Variants in SNX24 observed in about 807,000 individuals in gnomAD.
SNX24 encodes the protein sorting nexin-24.
A neutral mutation model predicts 28.7 loss-of-function variants in SNX24; 22 were observed. That is an observed-to-expected ratio of 0.77 (90% confidence interval 0.55 to 1.10). SNX24 has a LOEUF of 1.10. SNX24 is among the 50% of genes least tolerant of loss of function. The probability of loss-of-function intolerance (pLI) is 0.00; values close to 1 mark genes in which losing one functional copy is unlikely to be tolerated. For missense variants in SNX24, 221 were observed against 201.1 expected, an observed-to-expected ratio of 1.10 and a Z score of -0.60; for synonymous variants, 69 against 71.5, an observed-to-expected ratio of 0.96 and a Z score of 0.18.
At chr5:122,857,598 C>T (rs1306808890) in intron 1 of SNX24, among the ~76,000 whole-genome samples, 2 of 151,956 alleles carry the variant, frequency 1.3e-5, no homozygotes, top group African/African-American at 2.4e-5. Flanking sequence ...GTCTGTTGTT[C>T]CCCTCTATGT....
intron 1 of SNX24, chr5:122,890,999 A>G: frequency 6.9e-7 from 1 of 1,438,958 alleles, no homozygotes. Context: ...GTGAAAACCC[A>G]AAGCCTCTTT....
chr5:122,939,892 A>G (rs13159424), intron 2 of SNX24, among the ~76,000 whole-genome samples: 4,203 of 152,250 alleles, frequency 0.028, 70 homozygotes, highest in Non-Finnish European at 0.04. Context: ...AGAACCACAC[A>G]TCTCAAGGTT....
intron 5 of SNX24, among the ~76,000 whole-genome samples, chr5:123,018,579 A>G (rs757225624): frequency 6.6e-5 from 10 of 152,164 alleles, no homozygotes; most frequent in Non-Finnish European, 1.2e-4. Context: ...AACGTACCTG[A>G]CTGCTAATAA....
intron 6 of SNX24, among the ~76,000 whole-genome samples, chr5:123,006,654 C>G (rs1762431122): frequency 6.6e-6 from 1 of 152,208 alleles, no homozygotes; most frequent in African/African-American, 2.4e-5. Context: ...ATGGGGCACC[C>G]CGTGCCCTCC....
intron 1 of SNX24, among the ~76,000 whole-genome samples, chr5:122,851,326 G>A (rs938958821): frequency 2.2e-4 from 34 of 151,950 alleles, no homozygotes; most frequent in Non-Finnish European, 4.4e-4. Flanking sequence ...CACCATGTCT[G>A]GCTAATTTTT....
At chr5:122,847,656 G>A (rs1289460394) in intron 1 of SNX24, among the ~76,000 whole-genome samples, 1 of 151,930 alleles carries the variant, frequency 6.6e-6, no homozygotes, top group Non-Finnish European at 1.5e-5. Flanking sequence ...ACCACTCCTG[G>A]ATAATTTTTA....
At chr5:122,974,429 C>G (rs886970051) in intron 3 of SNX24, among the ~76,000 whole-genome samples, 3 of 152,222 alleles carry the variant, frequency 2.0e-5, no homozygotes, top group African/African-American at 7.2e-5. Context: ...TTGTTGTACG[C>G]TGAGGTAGGA....
At chr5:123,009,281 ATG>A, downstream of SNX24, 1 of 932,308 alleles carries the variant, frequency 1.1e-6, no homozygotes, top group Non-Finnish European at 1.3e-6. Flanking sequence ...ACACACACAT[ATG>A]TGCACACACA....
intron 5 of SNX24, among the ~76,000 whole-genome samples, chr5:123,014,597 G>T (rs1762649867): frequency 6.6e-6 from 1 of 152,056 alleles, no homozygotes; most frequent in African/African-American, 2.4e-5. Context: ...CAAGCTCCAT[G>T]CTAACAGCAG....
At chr5:122,986,163 G>GT in intron 3 of SNX24, among the ~76,000 whole-genome samples, 1 of 152,266 alleles carries the variant, frequency 6.6e-6, no homozygotes, top group East Asian at 1.9e-4. Flanking sequence ...GAGAGGCAGG[G>GT]TTTTTTATTG....
At chr5:122,967,559 T>A (rs1401690126) in intron 3 of SNX24, among the ~76,000 whole-genome samples, 2 of 152,136 alleles carry the variant, frequency 1.3e-5, no homozygotes, top group East Asian at 3.9e-4. Flanking sequence ...TGCCATTCTG[T>A]TTATTTTTCT....
intron 1 of SNX24, among the ~76,000 whole-genome samples, chr5:122,888,160 A>G (rs1015794031): frequency 6.6e-6 from 1 of 151,920 alleles, no homozygotes; most frequent in Non-Finnish European, 1.5e-5. Context: ...TTTCAGTTCT[A>G]TTATTTGCAT....
chr5:122,942,612 A>T (rs1308666081), intron 2 of SNX24, among the ~76,000 whole-genome samples: 1 of 152,238 alleles, frequency 6.6e-6, no homozygotes, highest in Non-Finnish European at 1.5e-5. Flanking sequence ...TAGCAGTATA[A>T]AAAAGGAAAA....
chr5:122,979,259 G>A (rs4836353), intron 3 of SNX24, among the ~76,000 whole-genome samples: 55,251 of 152,050 alleles, frequency 0.36, 10,798 homozygotes, highest in African/African-American at 0.48. Context: ...GCAAGAAGAC[G>A]ATGAATTGTT....
At chr5:122,934,395 G>T (rs246308) in intron 1 of SNX24, among the ~76,000 whole-genome samples, 117,174 of 152,100 alleles carry the variant, frequency 0.77, 46,005 homozygotes, top group East Asian at 0.99. Flanking sequence ...AGTCTCGCTC[G>T]GTTGCCCAGG....
At chr5:122,910,563 A>C (rs982240292) in intron 1 of SNX24, among the ~76,000 whole-genome samples, 24 of 149,992 alleles carry the variant, frequency 1.6e-4, no homozygotes, top group African/African-American at 5.9e-4. Flanking sequence ...GGTGTGCTGC[A>C]CCCATTAACT....
chr5:122,898,230 C>CT (rs1757287280), intron 1 of SNX24, among the ~76,000 whole-genome samples: 1 of 152,164 alleles, frequency 6.6e-6, no homozygotes, highest in South Asian at 2.1e-4. Flanking sequence ...AGATGCACTC[C>CT]TACAGAGTCA....
At position 122,956,371 on chromosome 5, in the gene SNX24, C is replaced by T. The variant is rs380081; in HGVS notation, c.249+10212C>T. 5.2e-4 allele frequency among the ~76,000 whole-genome samples: 5 copies of T among 9,698 alleles called. No individual in the cohort carries two copies. In the African/African-American group the frequency reaches 0.01, roughly 20 times the overall value. 6.4% of individuals were successfully genotyped at this position (9,698 alleles called of 152,430 possible). ...ACTTGGGAAAAAAAAAATATATACA[C>T]ACACACACACACACACACACACACA... is the stretch of plus-strand genomic sequence containing the variant. On this transcript the variant is annotated intron_variant, in intron 3 of 6. Coordinates refer to ENST00000261369, the MANE Select transcript of SNX24 (RefSeq NM_014035.4).
intron 2 of SNX24, among the ~76,000 whole-genome samples, chr5:122,937,212 T>G (rs1325946126): frequency 3.9e-5 from 6 of 152,232 alleles, no homozygotes; most frequent in Admixed American, 3.9e-4. Context: ...AACTTATACT[T>G]ACATGTACCT....
Sources: allele counts gnomAD v4.1 joint callset (sites outside exome capture counted in the v4.1 genomes callset), GRCh38; gene constraint gnomAD v4.1.1; transcripts MANE v1.5; gene names NCBI Gene and HGNC (gene_info 2026-07-23, HGNC 2026-07-21).